AFF3: variants seen among roughly 807,000 people sequenced by gnomAD.
AFF3 encodes the protein ALF transcription elongation factor 3, also known as AF4/FMR2 family member 3.
In AFF3, 32 loss-of-function variants were observed where a neutral mutation model predicts 129.7. The observed-to-expected ratio is 0.25, with a 90% CI of 0.19 to 0.33. The LOEUF is 0.33. AFF3 is among the 10% of genes least tolerant of loss of function. AFF3 has a pLI of 1.00. For missense variants in AFF3, 1,373 were observed against 1,592.0 expected, an observed-to-expected ratio of 0.86 and a Z score of 2.34; for synonymous variants, 644 against 635.4, an observed-to-expected ratio of 1.01 and a Z score of -0.20.
chr2:99,969,690 A>T (rs1678161624), intron 7 of AFF3, among the ~76,000 whole-genome samples: 1 of 151,816 alleles, frequency 6.6e-6, no homozygotes, highest in African/African-American at 2.4e-5. Context: ...TTTAGTAGAG[A>T]TGGGGTTTCA....
intron 15 of AFF3, among the ~76,000 whole-genome samples, chr2:99,588,286 C>T (rs904846986): frequency 4.6e-5 from 7 of 152,088 alleles, no homozygotes; most frequent in African/African-American, 1.7e-4. Flanking sequence ...AGGTGATCCT[C>T]CCGCCTCAGC....
chr2:99,930,711 A>C (rs756648055), intron 7 of AFF3, among the ~76,000 whole-genome samples: 1 of 152,192 alleles, frequency 6.6e-6, no homozygotes, highest in African/African-American at 2.4e-5. Context: ...AGGGAAGAAG[A>C]GACTAGCCTA....
At chr2:99,927,506 T>C (rs1186909430) in intron 7 of AFF3, among the ~76,000 whole-genome samples, 3 of 152,050 alleles carry the variant, frequency 2.0e-5, no homozygotes, top group Non-Finnish European at 4.4e-5. Context: ...ATGTTCTAAC[T>C]TATAAGTGGG....
At chr2:100,113,887 G>A (rs1198438084) in intron 2 of AFF3, among the ~76,000 whole-genome samples, 5 of 151,996 alleles carry the variant, frequency 3.3e-5, no homozygotes, top group Admixed American at 6.5e-5. Flanking sequence ...AGGTGGGGGG[G>A]TTGTAGAAGT....
chr2:99,793,386 G>A (rs193230720), intron 8 of AFF3, among the ~76,000 whole-genome samples: 9 of 152,256 alleles, frequency 5.9e-5, no homozygotes, highest in Admixed American at 2.0e-4. Flanking sequence ...CCAGTCTCAG[G>A]CATTCCTTTA....
At chr2:99,839,370 A>G (rs990850597) in intron 7 of AFF3, among the ~76,000 whole-genome samples, 1 of 152,040 alleles carries the variant, frequency 6.6e-6, no homozygotes, top group Non-Finnish European at 1.5e-5. Context: ...TCGGCCTCCC[A>G]AAGTGCTGGG....
intron 7 of AFF3, among the ~76,000 whole-genome samples, chr2:99,916,431 C>T (rs1047993891): frequency 6.6e-6 from 1 of 152,146 alleles, no homozygotes; most frequent in African/African-American, 2.4e-5. Context: ...ATCTACATGC[C>T]TCGCCTCCTG....
intron 8 of AFF3, among the ~76,000 whole-genome samples, chr2:99,824,488 T>G (rs1687924496): frequency 6.6e-6 from 1 of 152,156 alleles, no homozygotes. Context: ...AAAAAGGCAC[T>G]AAAATAAAAA....
At chr2:99,881,903 G>C (rs1692747024) in intron 7 of AFF3, among the ~76,000 whole-genome samples, 1 of 152,198 alleles carries the variant, frequency 6.6e-6, no homozygotes, top group African/African-American at 2.4e-5. Context: ...AGAGAAATCA[G>C]GGTTTTGTAC....
intron 1 of AFF3, among the ~76,000 whole-genome samples, chr2:100,130,154 G>A (rs1038846957): frequency 1.3e-5 from 2 of 152,190 alleles, no homozygotes; most frequent in African/African-American, 2.4e-5. Context: ...GAATGATTGA[G>A]ATAGGAGTCT....
intron 13 of AFF3, among the ~76,000 whole-genome samples, chr2:99,602,162 A>T (rs1679899424): frequency 6.6e-6 from 1 of 152,142 alleles, no homozygotes; most frequent in South Asian, 2.1e-4. Context: ...AGACGAAGGG[A>T]CTGTCCAAGT....
chr2:99,778,361 A>C (rs1377479559), intron 8 of AFF3, among the ~76,000 whole-genome samples: 2 of 152,220 alleles, frequency 1.3e-5, no homozygotes, highest in Admixed American at 1.3e-4. Flanking sequence ...TGATACAAGG[A>C]AGGGATGACA....
At position 99,691,531 on chromosome 2, in the gene AFF3, G is replaced by A. The variant is rs977908272; in HGVS notation, c.1092-18942C>T. ...AATGAGCTTGTGCACCAGACCAACT[G>A]CTGCCTCATAATCCTCAAAACAACC... On this transcript the variant is annotated intron_variant, in intron 11 of 24. Transcript: ENST00000672756. 2.0e-5 allele frequency among the ~76,000 whole-genome samples: 3 copies of A among 150,486 alleles called. No individual in the cohort carries two copies. The South Asian group carries it at 6.4e-4, about 32-fold the overall frequency.
chr2:99,617,356 C>T (rs567263284), intron 13 of AFF3, among the ~76,000 whole-genome samples: 3 of 152,234 alleles, frequency 2.0e-5, no homozygotes, highest in South Asian at 4.1e-4. Flanking sequence ...TCATAGTGGG[C>T]GTGAAGTGGT....
At chr2:99,566,373 T>C (rs954030150) in intron 19 of AFF3, among the ~76,000 whole-genome samples, 3 of 151,962 alleles carry the variant, frequency 2.0e-5, no homozygotes, top group Non-Finnish European at 4.4e-5. Context: ...GGACAAAAAG[T>C]TGAAAATTAT....
At chr2:99,887,719 T>C (rs1693220941) in intron 7 of AFF3, among the ~76,000 whole-genome samples, 1 of 152,270 alleles carries the variant, frequency 6.6e-6, no homozygotes, top group South Asian at 2.1e-4. Flanking sequence ...ACTACGCTAG[T>C]AGATATCAAC....
At chr2:99,552,618 T>C (rs1674511525) in intron 24 of AFF3, among the ~76,000 whole-genome samples, 1 of 152,134 alleles carries the variant, frequency 6.6e-6, no homozygotes, top group African/African-American at 2.4e-5. Flanking sequence ...CTCACATACA[T>C]GCTGAATGAA....
chr2:99,686,844 T>C (rs138013674), intron 11 of AFF3, among the ~76,000 whole-genome samples: 2 of 152,314 alleles, frequency 1.3e-5, no homozygotes, highest in African/African-American at 4.8e-5. Context: ...GCATGGTCCC[T>C]AAAGGGCCCT....
Position 99,888,642 on chromosome 2 carries a change from T to C in AFF3, c.874-51118A>G, listed in dbSNP as rs75321519. Among the ~76,000 whole-genome samples the C allele has an allele frequency of 1.1e-3, 173 of 152,352 alleles. 2 individuals carry two copies. In the East Asian group the frequency reaches 0.028, roughly 25 times the overall value. ...ATGGACATTTAACTCGATGTGACTT[T>C]AAGAACTCTTTCTTTTACGTAATCA... On this transcript the variant is annotated intron_variant, in intron 7 of 24. Transcript: ENST00000672756.
Sources: allele counts gnomAD v4.1 joint callset (sites outside exome capture counted in the v4.1 genomes callset), GRCh38; gene constraint gnomAD v4.1.1; transcripts MANE v1.5; gene names NCBI Gene and HGNC (gene_info 2026-07-23, HGNC 2026-07-21).